The following TOM1 variants were observed in gnomAD, a reference collection of about 807,000 sequenced individuals.
TOM1 encodes the protein target of Myb protein 1.
In TOM1, 38 loss-of-function variants were observed where a neutral mutation model predicts 61.3. The ratio of observed to expected loss-of-function variants is 0.62; its 90% CI spans 0.48 to 0.81. TOM1 has a LOEUF of 0.81. Ranked by LOEUF, TOM1 falls within the 40% of genes least tolerant of loss-of-function variation. The probability of loss-of-function intolerance (pLI) is 0.00; values close to 1 mark genes in which losing one functional copy is unlikely to be tolerated. For synonymous variants in TOM1, 270 were observed against 268.8 expected, an observed-to-expected ratio of 1.00 and a Z score of -0.04; for missense variants, 591 against 659.6, an observed-to-expected ratio of 0.90 and a Z score of 1.14.
intron 1 of TOM1, among the ~76,000 whole-genome samples, chr22:35,300,938 A>G (rs138730): frequency 0.61 from 93,016 of 151,852 alleles, 29,408 homozygotes; most frequent in Non-Finnish European, 0.7. Flanking sequence ...TGGGCTGGGC[A>G]CGGTGGCTCC....
intron 3 of TOM1, chr22:35,322,631 T>A: frequency 4.9e-6 from 1 of 205,592 alleles, no homozygotes; most frequent in Non-Finnish European, 9.6e-6. Context: ...AAGTGGAGAG[T>A]GGGGAGGGAA....
intron 6 of TOM1, among the ~76,000 whole-genome samples, chr22:35,326,208 A>T (rs925213124): frequency 6.6e-6 from 1 of 152,216 alleles, no homozygotes; most frequent in Admixed American, 6.5e-5. Context: ...TCTGAAATCA[A>T]CTATAACTCA....
rs188688727 is a variant in TOM1 at position 35,313,551 on chromosome 22, A to G, written c.53-4326A>G. On this transcript the variant is annotated intron_variant, in intron 1 of 14. Coordinates refer to ENST00000449058, the MANE Select transcript of TOM1 (RefSeq NM_005488.3). ...GGTCACAACATCCTGTGAGGCAGGC[A>G]GTCTTATCCTGATTTTACGGGTGCA... 3.3e-3 allele frequency among the ~76,000 whole-genome samples: 505 copies of G among 152,340 alleles called. 2 individuals carry two copies. The highest frequency in any genetic ancestry group is 0.011 in the African/African-American group (438 of 41,584).
At chr22:35,324,067 G>A (rs933321739) in intron 6 of TOM1, among the ~76,000 whole-genome samples, 153 bp downstream of exon 6, 7 of 152,224 alleles carry the variant, frequency 4.6e-5, no homozygotes, top group African/African-American at 1.7e-4. Context: ...TTTGAGCGAT[G>A]AGACTCAGAG....
At chr22:35,345,692 G>GGTAA in intron 12 of TOM1, 33 bp from the exon 13 acceptor site, 1 of 1,611,776 alleles carries the variant, frequency 6.2e-7, no homozygotes, top group Non-Finnish European at 8.5e-7. Context: ...TTGTCACCTA[G>GGTAA]GGCACTGCCT....
Position 35,323,550 on chromosome 22 carries a change from T to C in TOM1, c.421T>C (p.Tyr141His), listed in dbSNP as rs765670611. The C allele has an allele frequency of 2.5e-6, 4 of 1,614,130 alleles. No individual in the cohort carries two copies. The Admixed American group carries it at 6.7e-5, about 27-fold the overall frequency. Reference protein sequence around the residue: ...SPDLTGVVTIYEDLRRKGLEF... With the variant: ...SPDLTGVVTIHEDLRRKGLEF... ...CGATCTGACAGGTGTGGTCACCATC[T>C]ATGAGGACCTGCGGAGGAAAGGCCT... Residue 141 changes from tyrosine (Y) to histidine (H), a missense_variant, in exon 5 of 15, where the codon TAT (tyrosine) becomes CAT (histidine). Transcript: ENST00000449058. This position sits in a 1 kb window ranked among gnomAD's most constrained non-coding sequence, Gnocchi z 4.2.
At chr22:35,337,235 G>C (rs1300497768) in intron 11 of TOM1, among the ~76,000 whole-genome samples, 3 of 152,202 alleles carry the variant, frequency 2.0e-5, no homozygotes, top group South Asian at 4.1e-4. Context: ...GGCCCAGATA[G>C]TTGTTTTGAG....
At chr22:35,318,205 GATTCCACACGGATCTGGA>G (rs1299135684) in intron 2 of TOM1, 4 of 568,238 alleles carry the variant, frequency 7.0e-6, no homozygotes, top group Admixed American at 3.0e-5. Context: ...TGGCAGCCCA[GATTCCACACGGATCTGGA>G]AGCCCAGCCT....
chr22:35,300,126 T>C, intron 1 of TOM1, 146 bp downstream of exon 1: 3 of 880,276 alleles, frequency 3.4e-6, no homozygotes, highest in South Asian at 3.3e-5. Context: ...CGCCCAGCTT[T>C]CCTCCCACTC....
In TOM1 at chr22:35,315,132, G is replaced by A. The variant is rs182356023; in HGVS notation, c.53-2745G>A. Among the ~76,000 whole-genome samples, 170 of 152,162 alleles carry A rather than the reference G, an allele frequency of 1.1e-3. 2 individuals are homozygous for A. The highest frequency in any genetic ancestry group is 2.0e-3 in the Non-Finnish European group (133 of 68,000). ...AGTGTGGAGAATGGGTGGGAGGAGG[G>A]AGGCAGGAGGAGGGAAGAAGCTGAG... On this transcript the variant is annotated intron_variant, in intron 1 of 14. Coordinates refer to ENST00000449058, the MANE Select transcript of TOM1 (RefSeq NM_005488.3).
At chr22:35,333,535 T>C in intron 10 of TOM1, 38 bp downstream of exon 10, 1 of 1,590,504 alleles carries the variant, frequency 6.3e-7, no homozygotes, top group Non-Finnish European at 8.6e-7. Flanking sequence ...GAGGGTACAT[T>C]ATGGTACTGT....
intron 2 of TOM1, among the ~76,000 whole-genome samples, chr22:35,318,871 G>A (rs543916790): frequency 3.9e-5 from 6 of 152,338 alleles, no homozygotes; most frequent in Middle Eastern, 3.4e-3. Flanking sequence ...CAGCTCTCCC[G>A]CGGCCAGTGC....
Position 35,300,098 on chromosome 22 carries a change from A to C in TOM1, c.52+118A>C, listed in dbSNP as rs991682360. ...AGGGAGGGCAAGGAGGCTGGCGTGT[A>C]GCTCTCCGACCTGGCTCCGCCCAGC... On this transcript the variant is annotated intron_variant, in intron 1 of 14. Coordinates refer to ENST00000449058, the MANE Select transcript of TOM1 (RefSeq NM_005488.3). The C allele has an allele frequency of 1.6e-5, 19 of 1,156,746 alleles. No individual in the cohort carries two copies. In the African/African-American group the frequency reaches 2.8e-4, roughly 17 times the overall value. The allele number at this position is 1,156,746 out of a possible 1,614,324, so 71.7% of individuals were successfully genotyped here.
chr22:35,311,491 G>A (rs1301172711), intron 1 of TOM1, among the ~76,000 whole-genome samples: 1 of 152,230 alleles, frequency 6.6e-6, no homozygotes, highest in African/African-American at 2.4e-5. Flanking sequence ...GTGAAATACA[G>A]TGATTGTTGT....
chr22:35,305,404 G>A (rs929854135), intron 1 of TOM1, among the ~76,000 whole-genome samples: 2 of 152,246 alleles, frequency 1.3e-5, no homozygotes, highest in Non-Finnish European at 2.9e-5. Context: ...GCTCACGCCT[G>A]TAATCCCAGC....
At chr22:35,313,297 A>G (rs970146038) in intron 1 of TOM1, among the ~76,000 whole-genome samples, 1 of 151,998 alleles carries the variant, frequency 6.6e-6, no homozygotes, top group African/African-American at 2.4e-5. Context: ...CAGTGAGCCA[A>G]GATCGTGCCA....
intron 1 of TOM1, among the ~76,000 whole-genome samples, chr22:35,312,116 G>C (rs923241958): frequency 6.6e-6 from 1 of 151,958 alleles, no homozygotes; most frequent in Non-Finnish European, 1.5e-5. Flanking sequence ...AATTAGGCGG[G>C]CGCCTGTAAT....
chr22:35,313,918 G>A (rs1927059203), intron 1 of TOM1, among the ~76,000 whole-genome samples: 1 of 152,228 alleles, frequency 6.6e-6, no homozygotes, highest in South Asian at 2.1e-4. Flanking sequence ...GGCCCTTGAA[G>A]GTTACAGCTC....
In TOM1 at chr22:35,332,994, C is replaced by T. The variant is rs1269893667; in HGVS notation, c.913C>T (p.Arg305Ter). The change falls in exon 9 of 15, where the codon CGA (arginine) becomes TGA (stop). Residue 305 changes from arginine to a stop codon, truncating the protein, a stop_gained. Transcript: ENST00000449058. LOFTEE classifies it high-confidence loss of function. Reference sequence around the variant, plus strand: ...TCTGTCTTGTAGGTTTGAACGGTTCCGAACAGGCCAGACCACCAAGGTAAA... The same window carrying T: ...TCTGTCTTGTAGGTTTGAACGGTTCTGAACAGGCCAGACCACCAAGGTAAA... Reference protein sequence around the residue: ...FLRHERFERFRTGQTTKAPSE... With the variant: ...FLRHERFERF 1.1e-5 allele frequency: 17 copies of T among 1,614,054 alleles called. No individual in the cohort carries two copies. The highest frequency in any genetic ancestry group is 4.5e-5 in the East Asian group (2 of 44,902).
Sources: gnomAD v4.1 joint callset for allele counts (sites outside exome capture counted in the v4.1 genomes callset) on GRCh38, gnomAD v4.1.1 for gene constraint, Gnocchi (gnomAD v3.1) non-coding constraint, MANE v1.5 for transcripts, NCBI Gene and HGNC (gene_info 2026-07-23, HGNC 2026-07-21) for gene names.